FHIT: variants seen among roughly 807,000 people sequenced by gnomAD.
FHIT encodes bis(5'-adenosyl)-triphosphatase.
In FHIT, 19 loss-of-function variants were observed where a neutral mutation model predicts 17.9. The ratio of observed to expected loss-of-function variants is 1.06; its 90% confidence interval spans 0.74 to 1.56. The LOEUF (loss-of-function observed/expected upper bound fraction) is 1.56. FHIT is among the 40% of genes most tolerant of loss of function. The pLI is 0.00. For missense variants in FHIT, 248 were observed against 189.2 expected (o/e 1.31, Z -1.82); for synonymous variants, 81 against 69.7 (o/e 1.16, Z -0.81).
intron 4 of FHIT, among the ~76,000 whole-genome samples, chr3:60,636,341 T>C (rs543257278): frequency 1.5e-3 from 229 of 152,290 alleles, no homozygotes; most frequent in Non-Finnish European, 2.5e-3. Context: ...AGTGCTGGGA[T>C]TACAGGCATG....
intron 3 of FHIT, among the ~76,000 whole-genome samples, chr3:60,929,295 C>T: frequency 6.6e-6 from 1 of 152,160 alleles, no homozygotes; most frequent in African/African-American, 2.4e-5. Context: ...CCTTTGAAAA[C>T]TGGCACAAGA....
intron 5 of FHIT, among the ~76,000 whole-genome samples, chr3:60,186,922 T>C (rs895194136): frequency 4.6e-5 from 7 of 152,134 alleles, no homozygotes; most frequent in African/African-American, 1.4e-4. Flanking sequence ...AGCTTTCTAC[T>C]CTAGCTCCCA....
intron 4 of FHIT, among the ~76,000 whole-genome samples, chr3:60,785,002 G>T (rs1178228789): frequency 6.6e-6 from 1 of 152,114 alleles, no homozygotes; most frequent in African/African-American, 2.4e-5. Flanking sequence ...CTGGTTTAAG[G>T]TGTCTTGTTT....
At chr3:60,092,176 T>A (rs537856981) in intron 5 of FHIT, among the ~76,000 whole-genome samples, 2 of 152,296 alleles carry the variant, frequency 1.3e-5, no homozygotes, top group South Asian at 4.1e-4. Flanking sequence ...CACACATCTG[T>A]TAAATGAATG....
At chr3:59,997,205 G>A (rs1699548919) in intron 7 of FHIT, among the ~76,000 whole-genome samples, 1 of 152,114 alleles carries the variant, frequency 6.6e-6, no homozygotes, top group African/African-American at 2.4e-5. Context: ...GTTTGGGAAA[G>A]GGATAAAAAT....
chr3:60,622,947 G>A (rs953416005), intron 4 of FHIT, among the ~76,000 whole-genome samples: 30 of 152,142 alleles, frequency 2.0e-4, no homozygotes, highest in Admixed American at 1.3e-4. Context: ...TAATTCAGAC[G>A]GTACACACAT....
chr3:61,171,604 C>G (rs2038007098), intron 2 of FHIT, among the ~76,000 whole-genome samples: 1 of 152,002 alleles, frequency 6.6e-6, no homozygotes, highest in Admixed American at 6.5e-5. Context: ...CAAAAGACAC[C>G]ACTATTGGCC....
At chr3:60,475,571 G>A (rs1415259756) in intron 5 of FHIT, among the ~76,000 whole-genome samples, 1 of 152,210 alleles carries the variant, frequency 6.6e-6, no homozygotes. Flanking sequence ...CAGGGACCCA[G>A]GTAGTTTGCA....
At chr3:60,547,860 A>G (rs241679) in intron 4 of FHIT, among the ~76,000 whole-genome samples, 144,569 of 152,220 alleles carry the variant, frequency 0.95, 68,729 homozygotes, top group East Asian at 1. Flanking sequence ...TCAGTGACAC[A>G]AAAGCAAATG....
intron 4 of FHIT, among the ~76,000 whole-genome samples, chr3:60,720,145 A>G (rs1241987912): frequency 6.6e-6 from 1 of 152,136 alleles, no homozygotes; most frequent in Non-Finnish European, 1.5e-5. Flanking sequence ...AAGCACTGGT[A>G]AATTCTTTTT....
At chr3:60,797,574 T>G (rs1335962863) in intron 4 of FHIT, among the ~76,000 whole-genome samples, 1 of 151,310 alleles carries the variant, frequency 6.6e-6, no homozygotes, top group Non-Finnish European at 1.5e-5. Flanking sequence ...TCTCACAAAT[T>G]CAGGCAATAT....
intron 5 of FHIT, among the ~76,000 whole-genome samples, chr3:60,412,528 T>C (rs1702100233): frequency 6.6e-6 from 1 of 152,122 alleles, no homozygotes; most frequent in Non-Finnish European, 1.5e-5. Context: ...ACTGGAATTG[T>C]ACTCAGTATT....
Position 60,686,061 on chromosome 3 carries a change from G to A in FHIT, c.-18+135858C>T, listed in dbSNP as rs137927734. Among the ~76,000 whole-genome samples the A allele has an allele frequency of 3.0e-4, 46 of 152,162 alleles. No individual in the cohort carries two copies. In the South Asian group the frequency reaches 3.1e-3, roughly 10 times the overall value. ...CTGAATGCAACTTTATTTTGACTCCGTTCCTGAAGTATGAGTATCTTTGGA... is the reference window on the plus strand; with the variant it reads ...CTGAATGCAACTTTATTTTGACTCCATTCCTGAAGTATGAGTATCTTTGGA... On this transcript the variant is annotated intron_variant, in intron 4 of 9. Coordinates refer to ENST00000492590, the MANE Select transcript of FHIT (RefSeq NM_002012.4).
At chr3:61,082,726 G>T (rs928217082) in intron 2 of FHIT, among the ~76,000 whole-genome samples, 61 of 152,080 alleles carry the variant, frequency 4.0e-4, no homozygotes, top group African/African-American at 1.5e-3. Context: ...TTTCATTTTA[G>T]TCATTCAGAT....
chr3:61,123,342 G>A (rs560270564), intron 2 of FHIT, among the ~76,000 whole-genome samples: 2 of 152,174 alleles, frequency 1.3e-5, no homozygotes, highest in Admixed American at 6.5e-5. Flanking sequence ...CACACACTGG[G>A]GCCTTTCAGT....
chr3:61,128,323 C>T (rs566814509), intron 2 of FHIT, among the ~76,000 whole-genome samples: 1 of 152,314 alleles, frequency 6.6e-6, no homozygotes, highest in East Asian at 1.9e-4. Flanking sequence ...TATTACTTAA[C>T]ATCCCCGATC....
chr3:60,961,644 T>A (rs1166514495), intron 3 of FHIT, among the ~76,000 whole-genome samples: 1 of 152,210 alleles, frequency 6.6e-6, no homozygotes, highest in African/African-American at 2.4e-5. Context: ...GCTTTCTACA[T>A]ATGGCTAGCC....
intron 3 of FHIT, among the ~76,000 whole-genome samples, 151 bp from the exon 4 acceptor site, chr3:60,822,162 T>G (rs1701952803): frequency 6.6e-6 from 1 of 152,218 alleles, no homozygotes; most frequent in Admixed American, 6.5e-5. Context: ...ATGTGATTTT[T>G]GCAGGCATTG....
At chr3:61,121,186 G>C (rs1029647477) in intron 2 of FHIT, among the ~76,000 whole-genome samples, 1 of 152,130 alleles carries the variant, frequency 6.6e-6, no homozygotes, top group Non-Finnish European at 1.5e-5. Context: ...TATTATCCAG[G>C]AGAACTTCCT....
Sources: allele counts gnomAD v4.1 joint callset (sites outside exome capture counted in the v4.1 genomes callset), GRCh38; gene constraint gnomAD v4.1.1; transcripts MANE v1.5; gene names NCBI Gene and HGNC (gene_info 2026-07-23, HGNC 2026-07-21).